The following BBS9 variants were observed in gnomAD, a reference collection of about 807,000 sequenced individuals.
The protein encoded by BBS9 is Bardet-Biedl syndrome 9.
BBS9 carries 89 observed loss-of-function variants against 117.7 expected under a neutral mutation model. The observed-to-expected ratio is 0.76, with a 90% CI of 0.64 to 0.90. The LOEUF (loss-of-function observed/expected upper bound fraction) is 0.90, where lower values mean the gene tolerates loss of function less well. Among genes scored for constraint, BBS9 ranks in the 40% least tolerant of loss-of-function variants. BBS9 has a pLI of 0.00. For missense variants in BBS9, 982 were observed against 1,042.2 expected, an observed-to-expected ratio of 0.94 and a Z score of 0.80; for synonymous variants, 379 against 370.9, an observed-to-expected ratio of 1.02 and a Z score of -0.25.
At chr7:33,515,963 T>A (rs1847698255) in intron 20 of BBS9, among the ~76,000 whole-genome samples, 2 of 152,248 alleles carry the variant, frequency 1.3e-5, no homozygotes, top group Admixed American at 6.5e-5. Context: ...CAATGATAAG[T>A]CATGGTGTGG....
At chr7:33,531,779 A>G (rs939165978) in intron 20 of BBS9, among the ~76,000 whole-genome samples, 10 of 152,234 alleles carry the variant, frequency 6.6e-5, no homozygotes, top group Non-Finnish European at 1.0e-4. Context: ...TTGGTTACAC[A>G]TGTCCCTGAA....
chr7:33,571,133 A>G (rs1857711425), intron 21 of BBS9, among the ~76,000 whole-genome samples: 1 of 152,172 alleles, frequency 6.6e-6, no homozygotes, highest in African/African-American at 2.4e-5. Context: ...ATGGAAACTC[A>G]TTGTACTATT....
chr7:33,460,114 G>A (rs550865914), intron 19 of BBS9, among the ~76,000 whole-genome samples: 2 of 152,066 alleles, frequency 1.3e-5, no homozygotes, highest in Non-Finnish European at 2.9e-5. Flanking sequence ...TCCTACAGCT[G>A]AAAGGCACTT....
At chr7:33,145,625 T>A (rs1438213031) in intron 1 of BBS9, among the ~76,000 whole-genome samples, 3 of 152,208 alleles carry the variant, frequency 2.0e-5, no homozygotes, top group Admixed American at 6.5e-5. Context: ...TTTGATCTCA[T>A]TTGTCTCAGC....
intron 21 of BBS9, among the ~76,000 whole-genome samples, chr7:33,542,703 G>A (rs570769556): frequency 0.31 from 15,783 of 50,822 alleles, 1,103 homozygotes; most frequent in African/African-American, 0.46. Flanking sequence ...ATATATATGT[G>A]TGTGTGTGTG....
At chr7:33,615,016 G>A (rs1040745812) in intron 21 of BBS9, among the ~76,000 whole-genome samples, 1 of 151,914 alleles carries the variant, frequency 6.6e-6, no homozygotes, top group African/African-American at 2.4e-5. Context: ...AGTGGAGGTG[G>A]GGAGCTAAGA....
intron 19 of BBS9, among the ~76,000 whole-genome samples, chr7:33,442,033 A>G (rs1836279437): frequency 6.6e-6 from 1 of 151,994 alleles, no homozygotes; most frequent in Non-Finnish European, 1.5e-5. Flanking sequence ...CTGGGACTAC[A>G]GGCACCCGCC....
At chr7:33,172,130 C>T (rs1046388389) in intron 4 of BBS9, among the ~76,000 whole-genome samples, 1 of 152,092 alleles carries the variant, frequency 6.6e-6, no homozygotes, top group Non-Finnish European at 1.5e-5. Context: ...CCTGTAATCC[C>T]AGCACTTTGG....
At chr7:33,451,802 G>A (rs889727025) in intron 19 of BBS9, among the ~76,000 whole-genome samples, 1 of 151,182 alleles carries the variant, frequency 6.6e-6, no homozygotes, top group African/African-American at 2.4e-5. Flanking sequence ...AACAATTTTT[G>A]TTTTCTGTTT....
intron 7 of BBS9, among the ~76,000 whole-genome samples, chr7:33,270,029 A>T (rs1328615812): frequency 2.0e-5 from 3 of 151,472 alleles, no homozygotes; most frequent in Admixed American, 6.6e-5. Flanking sequence ...CTCAAAAAAA[A>T]AAAAAAAGGA....
chr7:33,437,314 A>G (rs1835441894), intron 19 of BBS9, among the ~76,000 whole-genome samples: 2 of 152,180 alleles, frequency 1.3e-5, no homozygotes, highest in South Asian at 2.1e-4. Flanking sequence ...CTCTGCTCCC[A>G]CACCAGTCTT....
At chr7:33,482,052 A>G (rs1563235896) in intron 19 of BBS9, among the ~76,000 whole-genome samples, 1 of 152,232 alleles carries the variant, frequency 6.6e-6, no homozygotes, top group African/African-American at 2.4e-5. Context: ...CTGATCGGGT[A>G]AAGATTGGAG....
intron 21 of BBS9, among the ~76,000 whole-genome samples, chr7:33,557,433 T>C (rs924858763): frequency 1.3e-5 from 2 of 152,174 alleles, no homozygotes; most frequent in African/African-American, 2.4e-5. Flanking sequence ...ATCACTTAAT[T>C]TGAGAAAGCA....
intron 11 of BBS9, among the ~76,000 whole-genome samples, chr7:33,341,472 C>T (rs1015127814): frequency 9.9e-5 from 15 of 151,892 alleles, no homozygotes; most frequent in African/African-American, 3.6e-4. Context: ...TAATTTTTCC[C>T]CTGTTTCTAT....
At chr7:33,483,669 A>G (rs1267593162) in intron 19 of BBS9, among the ~76,000 whole-genome samples, 3 of 150,492 alleles carry the variant, frequency 2.0e-5, no homozygotes, top group Admixed American at 2.0e-4. Flanking sequence ...ATCTCACTCT[A>G]TTGCCTGCTT....
intron 9 of BBS9, among the ~76,000 whole-genome samples, chr7:33,328,673 G>A (rs1285649309): frequency 6.6e-6 from 1 of 152,162 alleles, no homozygotes; most frequent in Non-Finnish European, 1.5e-5. Context: ...AACCTACAAT[G>A]TTCCTATTTT....
chr7:33,270,417 T>C (rs2128339371), intron 7 of BBS9, among the ~76,000 whole-genome samples: 1 of 152,272 alleles, frequency 6.6e-6, no homozygotes, highest in East Asian at 1.9e-4. Flanking sequence ...ATAAAGACCA[T>C]TGAGATTCAG....
At chr7:33,207,282 A>C (rs1787102758) in intron 5 of BBS9, among the ~76,000 whole-genome samples, 1 of 152,222 alleles carries the variant, frequency 6.6e-6, no homozygotes, top group South Asian at 2.1e-4. Context: ...TTACTGTGGT[A>C]GTTGCAAAAT....
At position 33,536,331 on chromosome 7, in the gene BBS9, G is replaced by A. The variant is rs146239142; in HGVS notation, c.2521+2155G>A. ...CTTGTCTTGATCTAATCAGAATAGT[G>A]AGGTTTTAAAAAATTGTTAAATCAG... is the stretch of plus-strand genomic sequence containing the variant. On this transcript the variant is annotated intron_variant, in intron 21 of 22. Transcript: ENST00000242067. Among the ~76,000 whole-genome samples, 111 of 152,230 alleles carry A rather than the reference G, an allele frequency of 7.3e-4. 1 individual carries two copies. In the East Asian group the frequency reaches 0.021, roughly 29 times the overall value.
Sources: gnomAD v4.1 joint callset for allele counts (sites outside exome capture counted in the v4.1 genomes callset) on GRCh38, gnomAD v4.1.1 for gene constraint, MANE v1.5 for transcripts, NCBI Gene and HGNC (gene_info 2026-07-23, HGNC 2026-07-21) for gene names.